INTS7: variants seen among roughly 807,000 people sequenced by gnomAD.
INTS7 encodes integrator complex subunit 7.
Under a neutral mutation model 109.2 loss-of-function variants are expected in INTS7, and 46 were observed. That is an observed-to-expected ratio of 0.42 (90% CI 0.33 to 0.54). The LOEUF (loss-of-function observed/expected upper bound fraction) is 0.54, where lower values mean the gene tolerates loss of function less well. Among genes scored for constraint, INTS7 ranks in the 20% least tolerant of loss-of-function variants. INTS7 has a pLI of 0.07. For missense variants in INTS7, 929 were observed against 1,132.4 expected (o/e 0.82, Z 2.58); for synonymous variants, 412 against 402.9 (o/e 1.02, Z -0.27).
At chr1:212,010,482 GAGTTCCAGA>G (rs1255204971) in intron 5 of INTS7, among the ~76,000 whole-genome samples, 3 of 152,010 alleles carry the variant, frequency 2.0e-5, no homozygotes, top group African/African-American at 7.3e-5. Context: ...CATTAGCAGA[GAGTTCCAGA>G]GCTCCTAATA....
In INTS7 at chr1:211,940,573, C is replaced by A. The variant is rs533391066; in HGVS notation, c.*1251G>T. On this transcript the variant is annotated 3_prime_UTR_variant, in exon 20 of 20. Transcript: ENST00000366994. ...CCCTAAATGATCCCCAATCAAAAAG[C>A]AGTTAAGTTATATCTACCATACTGT... 1.3e-5 allele frequency: 2 copies of A among 152,216 alleles called. No individual in the cohort carries two copies. Among genetic ancestry groups the A allele is most frequent in the African/African-American group, 4.8e-5 (2 of 41,540 alleles). The allele number at this position is 152,216 out of a possible 1,614,324, so 9.4% of individuals were successfully genotyped here.
At chr1:211,961,288 C>T (rs905462901) in intron 16 of INTS7, among the ~76,000 whole-genome samples, 1 of 151,792 alleles carries the variant, frequency 6.6e-6, no homozygotes, top group African/African-American at 2.4e-5. Flanking sequence ...TCATGATTCT[C>T]CAAGGTCGCA....
chr1:212,008,248 G>A (rs2102470014), intron 5 of INTS7, among the ~76,000 whole-genome samples: 1 of 152,294 alleles, frequency 6.6e-6, no homozygotes, highest in East Asian at 1.9e-4. Context: ...AATGAGATCA[G>A]AGTATTCCCT....
At chr1:212,016,073 C>T (rs1176107950) in intron 4 of INTS7, among the ~76,000 whole-genome samples, 3 of 151,982 alleles carry the variant, frequency 2.0e-5, no homozygotes. Flanking sequence ...TTACCGTATT[C>T]TATTGTATGA....
At chr1:212,004,087 G>GT (rs1225478171) in intron 7 of INTS7, among the ~76,000 whole-genome samples, 1 of 152,244 alleles carries the variant, frequency 6.6e-6, no homozygotes, top group African/African-American at 2.4e-5. Flanking sequence ...GCTCACACCT[G>GT]TAATCTCAGC....
chr1:211,974,276 A>AAAATATATAT (rs1553249481), intron 13 of INTS7, among the ~76,000 whole-genome samples: 3 of 92,416 alleles, frequency 3.2e-5, no homozygotes, highest in East Asian at 2.8e-4. Flanking sequence ...AGAAAAAAAA[A>AAAATATATAT]ATATATATAT....
intron 1 of INTS7, among the ~76,000 whole-genome samples, chr1:212,032,142 A>G (rs1667193299): frequency 6.6e-6 from 1 of 152,168 alleles, no homozygotes; most frequent in Non-Finnish European, 1.5e-5. Context: ...TTATATCCTC[A>G]TCTAATCCAT....
intron 13 of INTS7, among the ~76,000 whole-genome samples, chr1:211,969,835 C>G (rs1322373657): frequency 1.3e-5 from 2 of 151,948 alleles, no homozygotes; most frequent in African/African-American, 4.8e-5. Flanking sequence ...TCTCCTGCCT[C>G]AGCCTCCTGA....
intron 4 of INTS7, among the ~76,000 whole-genome samples, chr1:212,015,197 T>C (rs1338112620): frequency 6.6e-6 from 1 of 152,044 alleles, no homozygotes; most frequent in Admixed American, 6.5e-5. Context: ...CGCCACCCCG[T>C]CTGGGAGGTG....
rs988565346 is a variant in INTS7, at chr1:211,966,422, A to G, written c.2183+8T>C. 2.0e-6 allele frequency: 3 copies of G among 1,490,886 alleles called. No homozygotes were observed. The African/African-American group carries it at 4.2e-5, about 21-fold the overall frequency. The allele number at this position is 1,490,886 out of a possible 1,614,324, so 92.4% of individuals were successfully genotyped here. ...TGTAACGCCAACTATTATTAATATT[A>G]GAATTACCTTGCTGATTCTGGATCC... On this transcript the variant is annotated splice_region_variant and intron_variant, in intron 16 of 19. Coordinates refer to ENST00000366994, the MANE Select transcript of INTS7 (RefSeq NM_015434.4).
At chr1:211,951,024 T>C (rs1228798344) in intron 17 of INTS7, among the ~76,000 whole-genome samples, 3 of 152,242 alleles carry the variant, frequency 2.0e-5, no homozygotes, top group African/African-American at 7.2e-5. Context: ...ATTGACAATT[T>C]TACATGGAAA....
intron 16 of INTS7, among the ~76,000 whole-genome samples, chr1:211,965,888 G>A (rs114280216): frequency 0.011 from 1,689 of 152,010 alleles, 30 homozygotes; most frequent in African/African-American, 0.037. Context: ...AACAAACCCC[G>A]GTGACACGAG....
chr1:211,955,698 T>C (rs1327935048), intron 16 of INTS7, among the ~76,000 whole-genome samples: 1 of 152,242 alleles, frequency 6.6e-6, no homozygotes, highest in East Asian at 1.9e-4. Context: ...TTCAGCCAGG[T>C]ATTTTACATA....
At position 211,997,686 on chromosome 1, in the gene INTS7, G is replaced by A. The variant is rs978908230; in HGVS notation, c.879+8953C>T. Among the ~76,000 whole-genome samples the A allele has an allele frequency of 7.9e-5, 12 of 151,324 alleles. No homozygotes were observed. The East Asian group carries it at 1.4e-3, about 17-fold the overall frequency. On this transcript the variant is annotated intron_variant, in intron 7 of 19. Transcript: ENST00000366994. ...TTGAGATCAGGAGTCTGAGACCAGC[G>A]TGGCCAACATGGTGAAACCCCATCT...
intron 8 of INTS7, 75 bp downstream of exon 8, chr1:211,987,811 G>C: frequency 1.2e-6 from 1 of 801,558 alleles, no homozygotes. Flanking sequence ...CTTTATAGAA[G>C]AAACAACCTG....
intron 5 of INTS7, among the ~76,000 whole-genome samples, chr1:212,009,147 A>T: frequency 6.7e-6 from 1 of 150,160 alleles, no homozygotes; most frequent in South Asian, 2.1e-4. Context: ...TGTTCCTAAA[A>T]CTCCTCTTTC....
intron 7 of INTS7, among the ~76,000 whole-genome samples, chr1:211,999,143 A>C (rs1027160348): frequency 6.6e-6 from 1 of 152,230 alleles, no homozygotes; most frequent in Non-Finnish European, 1.5e-5. Flanking sequence ...CTAGGTATTT[A>C]ACCAAGAGAT....
chr1:211,963,570 T>C (rs937495749), intron 16 of INTS7, among the ~76,000 whole-genome samples: 6 of 152,076 alleles, frequency 3.9e-5, no homozygotes, highest in Non-Finnish European at 7.4e-5. Flanking sequence ...CTGATGAACA[T>C]TGATGCAAAA....
chr1:211,959,371 C>T lies in INTS7; in HGVS notation c.2184-6670G>A, dbSNP rs1000725958. Among the ~76,000 whole-genome samples, 4 of 152,198 alleles carry T rather than the reference C, an allele frequency of 2.6e-5. No individual in the cohort carries two copies. The highest frequency in any genetic ancestry group is 3.2e-3 in the Middle Eastern group (1 of 316). On this transcript the variant is annotated intron_variant, in intron 16 of 19. Coordinates refer to ENST00000366994, the MANE Select transcript of INTS7 (RefSeq NM_015434.4). The surrounding 1 kb of genome is among the most constrained non-coding windows in gnomAD (Gnocchi z 4.2). ...GCCCCAACCTGGCTGTGCCTGCTTG[C>T]AGTGCAGCCTTGGGTGTCCTGGGGG...
Sources: gnomAD v4.1 joint callset for allele counts (sites outside exome capture counted in the v4.1 genomes callset) on GRCh38, gnomAD v4.1.1 for gene constraint, Gnocchi (gnomAD v3.1) non-coding constraint, MANE v1.5 for transcripts, NCBI Gene and HGNC (gene_info 2026-07-23, HGNC 2026-07-21) for gene names.